Variants in THSD4 observed in about 807,000 individuals in gnomAD.
THSD4 encodes the protein thrombospondin type-1 domain-containing protein 4.
Under a neutral mutation model 119.0 loss-of-function variants are expected in THSD4, and 69 were observed. The observed-to-expected ratio is 0.58, with a 90% CI of 0.48 to 0.71. The LOEUF (loss-of-function observed/expected upper bound fraction) is 0.71, where lower values mean the gene tolerates loss of function less well. THSD4 is among the 30% of genes least tolerant of loss of function. THSD4 has a pLI of 0.00. For missense variants in THSD4, 1,393 were observed against 1,391.1 expected (o/e 1.00, Z -0.02); for synonymous variants, 524 against 540.4 (o/e 0.97, Z 0.42).
At chr15:71,609,438 C>T (rs576081381) in intron 7 of THSD4, among the ~76,000 whole-genome samples, 3 of 152,148 alleles carry the variant, frequency 2.0e-5, no homozygotes, top group South Asian at 2.1e-4. Context: ...CTTCCAGGGC[C>T]AGGGTCACCT....
intron 6 of THSD4, among the ~76,000 whole-genome samples, chr15:71,350,613 C>G (rs1204452778): frequency 1.3e-5 from 2 of 152,074 alleles, no homozygotes; most frequent in South Asian, 4.1e-4. Flanking sequence ...TAGCCCTTTA[C>G]AAAACTCTGA....
chr15:71,697,637 A>G (rs1033342746), intron 8 of THSD4, among the ~76,000 whole-genome samples: 2 of 152,280 alleles, frequency 1.3e-5, no homozygotes, highest in African/African-American at 2.4e-5. Context: ...GAAATGCTGT[A>G]GAATTCAGAT....
At chr15:71,452,950 A>G (rs959457552) in intron 7 of THSD4, among the ~76,000 whole-genome samples, 1 of 152,158 alleles carries the variant, frequency 6.6e-6, no homozygotes, top group Non-Finnish European at 1.5e-5. Flanking sequence ...TCATGAGGAT[A>G]GGGCCCCTGT....
At chr15:71,204,088 CA>C (rs898247227) in intron 3 of THSD4, among the ~76,000 whole-genome samples, 37 of 152,156 alleles carry the variant, frequency 2.4e-4, no homozygotes, top group African/African-American at 8.9e-4. Flanking sequence ...GAGGCTATCA[CA>C]AAAACCACAC....
chr15:71,534,051 G>A (rs980556190), intron 7 of THSD4, among the ~76,000 whole-genome samples: 8 of 152,162 alleles, frequency 5.3e-5, no homozygotes, highest in African/African-American at 1.9e-4. Flanking sequence ...ACATCAGCGC[G>A]ATCCCAGCTC....
At chr15:71,751,655 T>G (rs2141182046) in intron 14 of THSD4, among the ~76,000 whole-genome samples, 1 of 150,898 alleles carries the variant, frequency 6.6e-6, no homozygotes, top group African/African-American at 2.5e-5. Flanking sequence ...TTCTAGTTTT[T>G]ATTTTTATTT....
chr15:71,126,421 C>G (rs2040457188), intron 1 of THSD4, among the ~76,000 whole-genome samples: 1 of 152,212 alleles, frequency 6.6e-6, no homozygotes, highest in African/African-American at 2.4e-5. Flanking sequence ...GCCTTCTGTT[C>G]CCACGTGGCC....
intron 6 of THSD4, among the ~76,000 whole-genome samples, chr15:71,370,455 G>A (rs2046028920): frequency 6.6e-6 from 1 of 152,260 alleles, no homozygotes; most frequent in South Asian, 2.1e-4. Flanking sequence ...TGCTTTAAAT[G>A]TGTCCCAGAG....
intron 6 of THSD4, among the ~76,000 whole-genome samples, chr15:71,353,548 G>A (rs940769134): frequency 1.3e-5 from 2 of 152,196 alleles, no homozygotes; most frequent in South Asian, 4.1e-4. Flanking sequence ...CCCAGAAGGA[G>A]TCATTGATGA....
chr15:71,779,697 C>G lies in THSD4; in HGVS notation c.*2323C>G, dbSNP rs73432466. On this transcript the variant is annotated 3_prime_UTR_variant, in exon 18 of 18. Coordinates refer to ENST00000261862, the MANE Select transcript of THSD4 (RefSeq NM_024817.3). ...CTTTGTCTCTTTATGTCTAAAGTGC[C>G]CTATGGCTGCTGAAGGTTACCTAAC... 1.3e-5 allele frequency: 2 copies of G among 152,094 alleles called. No individual in the cohort carries two copies. Among genetic ancestry groups the G allele is most frequent in the Non-Finnish European group, 1.5e-5 (1 of 68,016 alleles). The allele number at this position is 152,094 out of a possible 1,614,324, so 9.4% of individuals were successfully genotyped here.
At chr15:71,739,788 T>C (rs937628409) in intron 11 of THSD4, among the ~76,000 whole-genome samples, 2 of 86,486 alleles carry the variant, frequency 2.3e-5, no homozygotes, top group Admixed American at 1.6e-4. Context: ...TCCCAGAGCA[T>C]TGGTTTGGGG....
chr15:71,543,397 A>G (rs2048788674), intron 7 of THSD4, among the ~76,000 whole-genome samples: 1 of 152,126 alleles, frequency 6.6e-6, no homozygotes, highest in Non-Finnish European at 1.5e-5. Context: ...AGAAGAGATG[A>G]TGGAGGGCTG....
intron 6 of THSD4, among the ~76,000 whole-genome samples, chr15:71,280,599 C>T (rs2044639775): frequency 6.7e-6 from 1 of 149,288 alleles, no homozygotes; most frequent in Non-Finnish European, 1.5e-5. Context: ...TTCCTCATTC[C>T]CTCCCTCCCT....
At chr15:71,749,694 A>AT (rs59633363) in intron 14 of THSD4, among the ~76,000 whole-genome samples, 1,185 of 39,022 alleles carry the variant, frequency 0.03, 26 homozygotes, top group East Asian at 0.16. Context: ...TATATTTTTA[A>AT]ATTTTTATTT....
intron 7 of THSD4, among the ~76,000 whole-genome samples, chr15:71,629,472 G>T (rs995072466): frequency 2.6e-5 from 4 of 152,148 alleles, no homozygotes; most frequent in Non-Finnish European, 5.9e-5. Context: ...GGGCCTCCGT[G>T]TTCCCTGTGT....
chr15:71,628,869 C>A (rs78529975), intron 7 of THSD4, among the ~76,000 whole-genome samples: 1 of 152,282 alleles, frequency 6.6e-6, no homozygotes, highest in East Asian at 1.9e-4. Context: ...CCCCGGGAAA[C>A]AGGCAGAATG....
chr15:71,376,081 T>C (rs2046132531), intron 6 of THSD4, among the ~76,000 whole-genome samples: 1 of 152,244 alleles, frequency 6.6e-6, no homozygotes, highest in African/African-American at 2.4e-5. Flanking sequence ...AGAGTTCTTA[T>C]GCAAGAGATT....
At chr15:71,774,303 T>C (rs1157538337) in intron 17 of THSD4, among the ~76,000 whole-genome samples, 1 of 100,236 alleles carries the variant, frequency 1.0e-5, no homozygotes, top group African/African-American at 4.2e-5. Flanking sequence ...AGAGTGAGAC[T>C]CTGTCTCAAA....
chr15:71,413,013 C>CT (rs765359038), intron 7 of THSD4, among the ~76,000 whole-genome samples: 56 of 151,776 alleles, frequency 3.7e-4, no homozygotes, highest in Non-Finnish European at 7.1e-4. Context: ...TTTTATTTTA[C>CT]TTTATTTATT....
Sources: allele counts gnomAD v4.1 joint callset (sites outside exome capture counted in the v4.1 genomes callset), GRCh38; gene constraint gnomAD v4.1.1; transcripts MANE v1.5; gene names NCBI Gene and HGNC (gene_info 2026-07-23, HGNC 2026-07-21).